Variants in SNRK observed in about 807,000 individuals in gnomAD.
The protein encoded by SNRK is SNF-related serine/threonine-protein kinase.
SNRK carries 3 observed loss-of-function variants against 48.2 expected under a neutral mutation model. That is an observed-to-expected ratio of 0.06 (90% CI 0.03 to 0.16). SNRK has a LOEUF of 0.16. Among genes scored for constraint, SNRK ranks in the 10% least tolerant of loss-of-function variants. SNRK has a pLI of 1.00. For synonymous variants in SNRK, 376 were observed against 366.1 expected (o/e 1.03, Z -0.31); for missense variants, 627 against 976.0 (o/e 0.64, Z 4.76).
intron 3 of SNRK, among the ~76,000 whole-genome samples, chr3:43,326,723 A>G (rs896284222): frequency 2.6e-5 from 4 of 152,026 alleles, no homozygotes; most frequent in African/African-American, 9.7e-5. Context: ...TTTAGACTGT[A>G]CCCACCAGGG....
At chr3:43,313,354 A>G (rs2090992496) in intron 3 of SNRK, among the ~76,000 whole-genome samples, 1 of 152,226 alleles carries the variant, frequency 6.6e-6, no homozygotes, top group African/African-American at 2.4e-5. Context: ...ACTGTGGTGT[A>G]TTCATACCAT....
chr3:43,335,255 C>T (rs935004784), intron 4 of SNRK, among the ~76,000 whole-genome samples: 1 of 152,088 alleles, frequency 6.6e-6, no homozygotes, highest in Admixed American at 6.6e-5. Flanking sequence ...TAGCTGCATC[C>T]CACTAGTTTT....
chr3:43,331,990 C>A (rs1361579420), intron 3 of SNRK, among the ~76,000 whole-genome samples, 179 bp from the exon 4 acceptor site: 1 of 152,164 alleles, frequency 6.6e-6, no homozygotes, highest in Non-Finnish European at 1.5e-5. Flanking sequence ...ACTGTAAAAA[C>A]ATTGAAGAAG....
At chr3:43,293,921 G>GAA (rs111484391) in intron 1 of SNRK, among the ~76,000 whole-genome samples, 4 of 142,656 alleles carry the variant, frequency 2.8e-5, no homozygotes, top group African/African-American at 5.1e-5. Context: ...TCTGTCTCAA[G>GAA]AAAAAAAAAA....
intron 5 of SNRK, 127 bp from the exon 6 acceptor site, chr3:43,343,217 T>G: frequency 7.8e-7 from 1 of 1,287,674 alleles, no homozygotes; most frequent in African/African-American, 1.5e-5. Flanking sequence ...TGGTTTGCAT[T>G]TTTTGCATAA....
chr3:43,343,042 C>T (rs1162679673), intron 5 of SNRK, among the ~76,000 whole-genome samples: 1 of 8,776 alleles, frequency 1.1e-4, no homozygotes, highest in Admixed American at 2.4e-3. Flanking sequence ...TTGAATAATG[C>T]GTGCACTTAT....
At chr3:43,333,807 A>G (rs545207954) in intron 4 of SNRK, among the ~76,000 whole-genome samples, 1 of 152,288 alleles carries the variant, frequency 6.6e-6, no homozygotes, top group East Asian at 1.9e-4. Flanking sequence ...AACAGTTCCT[A>G]GTATCTTAGT....
intron 1 of SNRK, among the ~76,000 whole-genome samples, chr3:43,295,930 G>A (rs1224584165): frequency 6.6e-6 from 1 of 152,000 alleles, no homozygotes; most frequent in Admixed American, 6.6e-5. Context: ...ATAGAGATGG[G>A]GTTTCAACAT....
At chr3:43,323,631 G>T (rs2091071979) in intron 3 of SNRK, among the ~76,000 whole-genome samples, 1 of 152,124 alleles carries the variant, frequency 6.6e-6, no homozygotes, top group African/African-American at 2.4e-5. Flanking sequence ...AGAGAAATGA[G>T]AATTTATGTT....
At chr3:43,344,532 TTG>T (rs1228500648) in intron 6 of SNRK, among the ~76,000 whole-genome samples, 1 of 152,120 alleles carries the variant, frequency 6.6e-6, no homozygotes, top group Non-Finnish European at 1.5e-5. Context: ...CATGTGAACT[TTG>T]TTGCTTGGGT....
chr3:43,324,975 T>G (rs2091083803), intron 3 of SNRK, among the ~76,000 whole-genome samples: 2 of 152,262 alleles, frequency 1.3e-5, no homozygotes, highest in Admixed American at 1.3e-4. Flanking sequence ...AGAACATACC[T>G]TGCTTGATTT....
rs2091305448 is a variant in SNRK, at chr3:43,349,413, A to C, written c.*856A>C. 1 of 152,704 alleles carries C rather than the reference A, an allele frequency of 6.5e-6. No individual in the cohort carries two copies. Among genetic ancestry groups the C allele is most frequent in the South Asian group, 2.1e-4 (1 of 4,830 alleles). 9.5% of individuals were successfully genotyped at this position (152,704 alleles called of 1,614,324 possible). ...ACTGCAGGATTTCCATGTAGATAGA[A>C]GAACTATAGGGCCTAGTACAGAAGG... On this transcript the variant is annotated 3_prime_UTR_variant, in exon 7 of 7. Coordinates refer to ENST00000296088, the MANE Select transcript of SNRK (RefSeq NM_017719.5).
At chr3:43,339,014 G>A (rs944529535) in intron 4 of SNRK, among the ~76,000 whole-genome samples, 3 of 152,070 alleles carry the variant, frequency 2.0e-5, no homozygotes, top group African/African-American at 7.2e-5. Context: ...CTTGCTGTTG[G>A]TACCTTGTTT....
intron 3 of SNRK, among the ~76,000 whole-genome samples, chr3:43,322,951 CAAAA>C (rs55847039): frequency 6.9e-5 from 5 of 72,638 alleles, no homozygotes; most frequent in Non-Finnish European, 1.2e-4. Context: ...GACTCCGTCT[CAAAA>C]AAAAAAAAAA....
chr3:43,326,583 G>T (rs533701978), intron 3 of SNRK, among the ~76,000 whole-genome samples: 2 of 152,112 alleles, frequency 1.3e-5, no homozygotes, highest in Admixed American at 1.3e-4. Flanking sequence ...GAGTTGGAGG[G>T]CAGTGTGGGA....
intron 5 of SNRK, among the ~76,000 whole-genome samples, chr3:43,341,961 A>G (rs2091241345): frequency 6.6e-6 from 1 of 152,358 alleles, no homozygotes; most frequent in African/African-American, 2.4e-5. Context: ...ACTCACAGCT[A>G]CTTAAATGAC....
chr3:43,297,200 C>G (rs1304860521), intron 1 of SNRK, among the ~76,000 whole-genome samples: 2 of 152,144 alleles, frequency 1.3e-5, no homozygotes, highest in African/African-American at 4.8e-5. Context: ...AAGTAGTTAT[C>G]AAACTTCATG....
At chr3:43,314,774 G>A (rs895306319) in intron 3 of SNRK, among the ~76,000 whole-genome samples, 1 of 152,102 alleles carries the variant, frequency 6.6e-6, no homozygotes, top group Non-Finnish European at 1.5e-5. Flanking sequence ...GTCAGGCCTC[G>A]TAGTGTGTGC....
chr3:43,292,889 A>T (rs1559457586), intron 1 of SNRK, among the ~76,000 whole-genome samples: 1 of 152,122 alleles, frequency 6.6e-6, no homozygotes, highest in Non-Finnish European at 1.5e-5. Flanking sequence ...GTACTGGGAT[A>T]CATGTACAGA....
Sources: gnomAD v4.1 joint callset for allele counts (sites outside exome capture counted in the v4.1 genomes callset) on GRCh38, gnomAD v4.1.1 for gene constraint, MANE v1.5 for transcripts, NCBI Gene and HGNC (gene_info 2026-07-23, HGNC 2026-07-21) for gene names.